The following NOBOX variants were observed in gnomAD, a reference collection of about 807,000 sequenced individuals.
NOBOX encodes NOBOX oogenesis homeobox, also known as homeobox protein NOBOX.
NOBOX carries 46 observed loss-of-function variants against 60.2 expected under a neutral mutation model. The ratio of observed to expected loss-of-function variants is 0.76; its 90% CI spans 0.60 to 0.98. The LOEUF is 0.98. Ranked by LOEUF, NOBOX falls within the 50% of genes least tolerant of loss-of-function variation. The pLI is 0.00. For synonymous variants in NOBOX, 360 were observed against 346.3 expected, an observed-to-expected ratio of 1.04 and a Z score of -0.44; for missense variants, 880 against 865.5, an observed-to-expected ratio of 1.02 and a Z score of -0.21.
At chr7:144,406,312 C>T (rs1432362079) in intron 1 of NOBOX, among the ~76,000 whole-genome samples, 4 of 152,244 alleles carry the variant, frequency 2.6e-5, no homozygotes, top group South Asian at 2.1e-4. Context: ...AATCCCAGCA[C>T]GTTGGGAGGC....
chr7:144,403,356 A>G (rs1010055336), intron 2 of NOBOX, among the ~76,000 whole-genome samples: 1 of 152,096 alleles, frequency 6.6e-6, no homozygotes, highest in Non-Finnish European at 1.5e-5. Flanking sequence ...GCTAGTAAGA[A>G]GGGGACGGGT....
chr7:144,407,329 G>A (rs1738343396), intron 1 of NOBOX, among the ~76,000 whole-genome samples: 1 of 152,210 alleles, frequency 6.6e-6, no homozygotes, highest in African/African-American at 2.4e-5. Flanking sequence ...ACACCCCAGT[G>A]TAGGCAGCAT....
intron 2 of NOBOX, among the ~76,000 whole-genome samples, chr7:144,403,378 G>C (rs2128862403): frequency 6.6e-6 from 1 of 152,228 alleles, no homozygotes; most frequent in East Asian, 1.9e-4. Flanking sequence ...TCAGACCTAA[G>C]ACTAGAAGGG....
intron 8 of NOBOX, 72 bp downstream of exon 6, chr7:144,398,878 A>G: frequency 1.2e-6 from 1 of 801,758 alleles, no homozygotes; most frequent in Non-Finnish European, 2.1e-6. Flanking sequence ...CTCTGTGTCT[A>G]TCTTCTCTCC....
intron 4 of NOBOX, among the ~76,000 whole-genome samples, chr7:144,400,766 G>C (rs531264889): frequency 2.6e-4 from 39 of 152,252 alleles, no homozygotes; most frequent in African/African-American, 8.9e-4. Flanking sequence ...TCAAACTCCT[G>C]ACTTCAGGTA....
At chr7:144,397,192 C>T, downstream of NOBOX, 1 of 1,472,538 alleles carries the variant, frequency 6.8e-7, no homozygotes, top group Non-Finnish European at 9.0e-7. Flanking sequence ...TCAGCGAGCC[C>T]AATCCTATCC....
At chr7:144,408,236 C>CT (rs540515599) in intron 1 of NOBOX, among the ~76,000 whole-genome samples, 354 of 140,568 alleles carry the variant, frequency 2.5e-3, no homozygotes, top group Middle Eastern at 3.8e-3. Flanking sequence ...CAGCATGAAA[C>CT]TTTTTTTTTT....
chr7:144,406,657 G>T (rs2053987729), intron 1 of NOBOX, among the ~76,000 whole-genome samples: 1 of 152,122 alleles, frequency 6.6e-6, no homozygotes, highest in African/African-American at 2.4e-5. Context: ...TTTACATGAA[G>T]AATTTTATTG....
At position 144,397,378 on chromosome 7, in the gene NOBOX, T is replaced by A. The variant is rs116937127; in HGVS notation, c.1938A>T (p.Ser646=). ...CTGGTCTGGCCCCTTCAGGCATCCATGAGAGAGCTGACGAAGGCTGCCTGC... is the reference window on the plus strand; with the variant it reads ...CTGGTCTGGCCCCTTCAGGCATCCAAGAGAGAGCTGACGAAGGCTGCCTGC... The change falls in exon 10 of 10, where the codon TCA becomes TCT. Residue 646 remains serine (S), a synonymous_variant. Transcript: ENST00000467773. 1 of 1,536,482 alleles carries A rather than the reference T, an allele frequency of 6.5e-7. No homozygotes were observed. Among genetic ancestry groups the A allele is most frequent in the Non-Finnish European group, 8.7e-7 (1 of 1,146,366 alleles).
intron 2 of NOBOX, among the ~76,000 whole-genome samples, chr7:144,403,988 G>A (rs1054368962): frequency 6.6e-6 from 1 of 152,110 alleles, no homozygotes; most frequent in Non-Finnish European, 1.5e-5. Context: ...CCCTCCCGTG[G>A]CGGGGCTGGA....
intron 1 of NOBOX, among the ~76,000 whole-genome samples, chr7:144,404,999 G>A (rs2128863034): frequency 6.6e-6 from 1 of 152,280 alleles, no homozygotes; most frequent in Middle Eastern, 3.4e-3. Flanking sequence ...TGGACACCAC[G>A]TGCTTTCATG....
rs767779809 is a variant in NOBOX at position 144,401,332 on chromosome 7, G to A, written c.558C>T (p.Ser186=). ...CTATCTTCACCTCTCCCACTGGGAG[G>A]GAACAATCTTCCCCCTGAGTCTGGG... Residue 186 remains serine (S), a synonymous_variant, in exon 4 of 10, where the codon TCC becomes TCT. Transcript: ENST00000467773. The surrounding 1 kb of genome is among the most constrained non-coding windows in gnomAD (Gnocchi z 4.2). 5.6e-6 allele frequency: 9 copies of A among 1,613,620 alleles called. No individual in the cohort carries two copies. Among genetic ancestry groups the A allele is most frequent in the South Asian group, 1.1e-5 (1 of 91,000 alleles).
At chr7:144,407,509 G>A (rs1305928726) in intron 1 of NOBOX, among the ~76,000 whole-genome samples, 1 of 152,248 alleles carries the variant, frequency 6.6e-6, no homozygotes, top group Non-Finnish European at 1.5e-5. Flanking sequence ...CCAAAGCAGA[G>A]AGAGCGAAGG....
chr7:144,402,003 C>T (rs986497570), intron 2 of NOBOX: 5 of 1,366,610 alleles, frequency 3.7e-6, no homozygotes, highest in Non-Finnish European at 4.2e-6. Flanking sequence ...GATTCTGCTT[C>T]TCCCAAGGCG....
chr7:144,402,582 C>A (rs1319996561), intron 2 of NOBOX, among the ~76,000 whole-genome samples: 4 of 152,008 alleles, frequency 2.6e-5, no homozygotes, highest in Non-Finnish European at 1.5e-5. Context: ...CAAATGATCC[C>A]CCCACTTTCA....
Position 144,399,782 on chromosome 7 carries a change from G to C in NOBOX, c.1129C>G (p.Pro377Ala), listed in dbSNP as rs1449069661. 6.2e-7 allele frequency: 1 copy of C among 1,612,674 alleles called. No individual in the cohort carries two copies. Among genetic ancestry groups the C allele is most frequent in the East Asian group, 2.2e-5 (1 of 44,844 alleles). ...CTGCATTGACTGCTGGCAGGGCCAG[G>C]GGCTGCAGGATTGTCCTTGCTTTCT... The change falls in exon 6 of 10, where the codon CCT becomes GCT. Residue 377 changes from proline to alanine, a missense_variant. Pro to Ala is a conservative substitution (Grantham distance 27). Transcript: ENST00000467773.
rs199740315 is a variant in NOBOX, at chr7:144,400,213, C to T, written c.944G>A (p.Arg315His). The change falls in exon 5 of 10, where the codon CGC (arginine) becomes CAC (histidine). Residue 315 changes from arginine (R) to histidine (H), a missense_variant. Coordinates refer to ENST00000467773, the MANE Select transcript of NOBOX (RefSeq NM_001080413.3). Reference sequence around the variant, plus strand: ...TGAGCCGGCCCCCTTTACCATGATGCGCTGGGGGGTCACCCCCACCGTCTG... The same window carrying T: ...TGAGCCGGCCCCCTTTACCATGATGTGCTGGGGGGTCACCCCCACCGTCTG... The T allele has an allele frequency of 2.5e-5, 40 of 1,613,930 alleles. No individual in the cohort carries two copies. The highest frequency in any genetic ancestry group is 2.1e-4 in the African/African-American group (16 of 74,950).
chr7:144,400,386 A>C (rs895520259), intron 4 of NOBOX, 74 bp from the exon 3 acceptor site: 82 of 1,350,348 alleles, frequency 6.1e-5, no homozygotes, highest in Non-Finnish European at 8.5e-5. Context: ...AGAGGTGCTC[A>C]CCAAGTATCT....
chr7:144,400,108 A>C lies in NOBOX; in HGVS notation c.1047+2T>G, dbSNP rs547889083. On this transcript the variant is annotated splice_donor_variant, in intron 5 of 9. Coordinates refer to ENST00000467773, the MANE Select transcript of NOBOX (RefSeq NM_001080413.3). LOFTEE classifies it high-confidence loss of function. Reference sequence around the variant, plus strand: ...CGTCTGAGGCCTCAATTCAGCTCCTACCCAGGCTACCGCTGAGCGCTCACT... The same window carrying C: ...CGTCTGAGGCCTCAATTCAGCTCCTCCCCAGGCTACCGCTGAGCGCTCACT... 6.2e-7 allele frequency: 1 copy of C among 1,611,508 alleles called. No homozygotes were observed. The highest frequency in any genetic ancestry group is 1.1e-5 in the South Asian group (1 of 91,040).
Sources: allele counts gnomAD v4.1 joint callset (sites outside exome capture counted in the v4.1 genomes callset), GRCh38; gene constraint gnomAD v4.1.1; non-coding constraint Gnocchi (gnomAD v3.1); transcripts MANE v1.5; gene names NCBI Gene and HGNC (gene_info 2026-07-23, HGNC 2026-07-21).